The following ELOVL7 variants were observed in gnomAD, a reference collection of about 807,000 sequenced individuals.
The protein encoded by ELOVL7 is very long chain fatty acid elongase 7.
ELOVL7 carries 27 observed loss-of-function variants against 35.7 expected under a neutral mutation model. That is an observed-to-expected ratio of 0.76 (90% confidence interval 0.56 to 1.04). The LOEUF (loss-of-function observed/expected upper bound fraction) is 1.04, where lower values mean the gene tolerates loss of function less well. Among genes scored for constraint, ELOVL7 ranks in the 50% least tolerant of loss-of-function variants. The pLI, the probability that ELOVL7 is intolerant of heterozygous loss-of-function variation, is 0.00. For synonymous variants in ELOVL7, 113 were observed against 114.6 expected, an observed-to-expected ratio of 0.99 and a Z score of 0.09; for missense variants, 327 against 340.8, an observed-to-expected ratio of 0.96 and a Z score of 0.32.
chr5:60,837,315 T>TGGGGGGGGGGGGG (rs1227317155), intron 1 of ELOVL7, among the ~76,000 whole-genome samples: 5 of 24,518 alleles, frequency 2.0e-4, no homozygotes, highest in Admixed American at 5.4e-4. Context: ...GGCGGGGGGG[T>TGGGGGGGGGGGGG]GGGGGGGGAG....
At chr5:60,796,144 A>C (rs143526931) in intron 2 of ELOVL7, among the ~76,000 whole-genome samples, 4 of 152,268 alleles carry the variant, frequency 2.6e-5, no homozygotes, top group Non-Finnish European at 5.9e-5. Context: ...TGCTAGGGAA[A>C]CTTCCACCTA....
Position 60,752,182 on chromosome 5 carries a change from T to C in ELOVL7, c.*2442A>G, listed in dbSNP as rs901041661. ...GAACTCTTTTAATAAATATGGCCCATACAAATTCCATATCCAGTGAAAATC... is the reference window on the plus strand; with the variant it reads ...GAACTCTTTTAATAAATATGGCCCACACAAATTCCATATCCAGTGAAAATC... On this transcript the variant is annotated 3_prime_UTR_variant, in exon 9 of 9. Coordinates refer to ENST00000508821, the MANE Select transcript of ELOVL7 (RefSeq NM_024930.3). The C allele has an allele frequency of 1.3e-5, 2 of 152,190 alleles. No homozygotes were observed. Among genetic ancestry groups the C allele is most frequent in the African/African-American group, 4.8e-5 (2 of 41,446 alleles). 9.4% of individuals were successfully genotyped at this position (152,190 alleles called of 1,614,324 possible).
Position 60,803,904 on chromosome 5 carries a change from A to T in ELOVL7, c.-85-4674T>A, listed in dbSNP as rs182321144. Among the ~76,000 whole-genome samples, 429 of 152,260 alleles carry T rather than the reference A, an allele frequency of 2.8e-3. 1 individual carries two copies. Among genetic ancestry groups the T allele is most frequent in the Non-Finnish European group, 4.5e-3 (308 of 68,014 alleles). ...CCACTCCCTACTACTCCATTATTTC[A>T]TCTCAATTTTCACTTCCTCATTTTC... is the stretch of plus-strand genomic sequence containing the variant. On this transcript the variant is annotated intron_variant, in intron 1 of 8. Coordinates refer to ENST00000508821, the MANE Select transcript of ELOVL7 (RefSeq NM_024930.3).
chr5:60,767,765 A>C (rs1742330680), intron 5 of ELOVL7, 58 bp downstream of exon 5: 1 of 1,299,324 alleles, frequency 7.7e-7, no homozygotes, highest in African/African-American at 1.5e-5. Context: ...TGTTACAAAC[A>C]GTTCACAAAA....
chr5:60,803,568 A>G (rs1181143617), intron 1 of ELOVL7, among the ~76,000 whole-genome samples: 3 of 152,190 alleles, frequency 2.0e-5, no homozygotes, highest in Non-Finnish European at 4.4e-5. Context: ...CATACCTGCT[A>G]TTTAGAAGTA....
intron 3 of ELOVL7, among the ~76,000 whole-genome samples, chr5:60,781,886 T>A (rs1349448999): frequency 6.6e-6 from 1 of 152,230 alleles, no homozygotes; most frequent in Non-Finnish European, 1.5e-5. Flanking sequence ...ATGTATTTCA[T>A]AGAGGATTGA....
intron 8 of ELOVL7, 89 bp from the exon 9 acceptor site, chr5:60,754,922 AGGGAG>A: frequency 1.9e-6 from 2 of 1,073,150 alleles, no homozygotes; most frequent in South Asian, 1.5e-5. Flanking sequence ...CCCAAAGTGC[AGGGAG>A]TGCACTATTG....
At chr5:60,820,628 G>C (rs150884778) in intron 1 of ELOVL7, among the ~76,000 whole-genome samples, 105 of 152,216 alleles carry the variant, frequency 6.9e-4, no homozygotes, top group Middle Eastern at 3.4e-3. Context: ...TAACTGGTAC[G>C]ACATCTTTAG....
At chr5:60,801,414 A>C (rs1035355617) in intron 1 of ELOVL7, among the ~76,000 whole-genome samples, 1 of 152,226 alleles carries the variant, frequency 6.6e-6, no homozygotes, top group African/African-American at 2.4e-5. Flanking sequence ...AGAAAACCCT[A>C]AAGAGTACCA....
chr5:60,759,368 C>T (rs1741740177), intron 7 of ELOVL7, among the ~76,000 whole-genome samples: 2 of 152,086 alleles, frequency 1.3e-5, no homozygotes, highest in Admixed American at 6.6e-5. Context: ...TGAATAAACA[C>T]ATTATTGTGG....
chr5:60,798,335 T>C (rs1056347607), intron 2 of ELOVL7, among the ~76,000 whole-genome samples: 3 of 152,148 alleles, frequency 2.0e-5, no homozygotes, highest in African/African-American at 7.2e-5. Context: ...CAAGCACAAG[T>C]GGTCAAAGAC....
At chr5:60,809,770 T>C (rs185603980) in intron 1 of ELOVL7, among the ~76,000 whole-genome samples, 6 of 152,274 alleles carry the variant, frequency 3.9e-5, no homozygotes, top group Admixed American at 2.6e-4. Flanking sequence ...AGAGAAACCA[T>C]AGCCTCACAT....
intron 1 of ELOVL7, among the ~76,000 whole-genome samples, chr5:60,813,393 G>A (rs1172388288): frequency 6.6e-6 from 1 of 151,958 alleles, no homozygotes; most frequent in African/African-American, 2.4e-5. Flanking sequence ...CTACGCTTAG[G>A]GTTAATCTTA....
chr5:60,838,806 C>T (rs1208730278), intron 1 of ELOVL7, among the ~76,000 whole-genome samples: 1 of 151,886 alleles, frequency 6.6e-6, no homozygotes, highest in Non-Finnish European at 1.5e-5. Context: ...GGCAGATCAC[C>T]TGAGGTCAGG....
At chr5:60,760,201 G>C (rs1169219882) in intron 7 of ELOVL7, among the ~76,000 whole-genome samples, 1 of 152,166 alleles carries the variant, frequency 6.6e-6, no homozygotes, top group Non-Finnish European at 1.5e-5. Context: ...CTAGATCCCT[G>C]AGGAATCGCC....
chr5:60,808,398 G>C (rs1579890200), intron 1 of ELOVL7, among the ~76,000 whole-genome samples: 1 of 152,072 alleles, frequency 6.6e-6, no homozygotes, highest in South Asian at 2.1e-4. Flanking sequence ...GACAAATCCT[G>C]GTTAAATTGA....
At chr5:60,790,398 T>C (rs1743864990) in intron 2 of ELOVL7, among the ~76,000 whole-genome samples, 1 of 152,208 alleles carries the variant, frequency 6.6e-6, no homozygotes, top group Admixed American at 6.5e-5. Flanking sequence ...CAGCTGTACC[T>C]TTACTGGAAC....
chr5:60,826,373 T>TA (rs973773054), intron 1 of ELOVL7, among the ~76,000 whole-genome samples: 9 of 145,802 alleles, frequency 6.2e-5, no homozygotes, highest in Non-Finnish European at 9.1e-5. Flanking sequence ...GTGATTCTGA[T>TA]TTTTTTTTTA....
intron 3 of ELOVL7, among the ~76,000 whole-genome samples, chr5:60,781,959 T>A (rs912619112): frequency 1.3e-5 from 2 of 152,252 alleles, no homozygotes; most frequent in Non-Finnish European, 2.9e-5. Context: ...TTATAGCAGA[T>A]CTCAATTCTG....
Sources: gnomAD v4.1 joint callset for allele counts (sites outside exome capture counted in the v4.1 genomes callset) on GRCh38, gnomAD v4.1.1 for gene constraint, MANE v1.5 for transcripts, NCBI Gene and HGNC (gene_info 2026-07-23, HGNC 2026-07-21) for gene names.